The following PTPN1 variants were observed in gnomAD, a reference collection of about 807,000 sequenced individuals.
PTPN1 encodes the protein tyrosine-protein phosphatase non-receptor type 1.
PTPN1 carries 12 observed loss-of-function variants against 59.9 expected under a neutral mutation model. The observed-to-expected ratio is 0.20, with a 90% CI of 0.13 to 0.32. The LOEUF (loss-of-function observed/expected upper bound fraction) is 0.32. Among genes scored for constraint, PTPN1 ranks in the 10% least tolerant of loss-of-function variants. The pLI, the probability that PTPN1 is intolerant of heterozygous loss-of-function variation, is 1.00. For synonymous variants in PTPN1, 178 were observed against 203.6 expected, an observed-to-expected ratio of 0.87 and a Z score of 1.07; for missense variants, 356 against 549.2, an observed-to-expected ratio of 0.65 and a Z score of 3.52.
intron 1 of PTPN1, among the ~76,000 whole-genome samples, chr20:50,513,844 A>T (rs1185744756): frequency 6.6e-6 from 1 of 152,190 alleles, no homozygotes. Context: ...AGGAAAAAAA[A>T]CTATTTTATG....
intron 1 of PTPN1, among the ~76,000 whole-genome samples, chr20:50,555,773 A>G (rs2082723588): frequency 6.6e-6 from 1 of 152,016 alleles, no homozygotes; most frequent in South Asian, 2.1e-4. Context: ...ACACACACCA[A>G]AAAAAGTACA....
intron 2 of PTPN1, among the ~76,000 whole-genome samples, chr20:50,564,068 T>TAA (rs960887517): frequency 6.9e-6 from 1 of 144,010 alleles, no homozygotes; most frequent in Non-Finnish European, 1.5e-5. Context: ...ACTTGAACTT[T>TAA]AAAAAAAAAA....
chr20:50,511,081 G>GTCCCCTT (rs2082505210), intron 1 of PTPN1, among the ~76,000 whole-genome samples: 1 of 152,098 alleles, frequency 6.6e-6, no homozygotes, highest in African/African-American at 2.4e-5. Context: ...AGAGATGACA[G>GTCCCCTT]TCCCCTTTCC....
Position 50,581,250 on chromosome 20 carries a change from CCT to C in PTPN1, c.1089-12_1089-11del. Reference sequence around the variant, plus strand: ...TCCAAAGTGAGTAACCCATCTCTGCCCTCTGATTCCTCAGCATGAGTCAAGAC... The same window carrying C: ...TCCAAAGTGAGTAACCCATCTCTGCCCTGATTCCTCAGCATGAGTCAAGAC... On this transcript the variant is annotated splice_polypyrimidine_tract_variant and intron_variant, in intron 8 of 9. Transcript: ENST00000371621. 1 of 1,581,664 alleles carries C rather than the reference CCT, an allele frequency of 6.3e-7. No individual in the cohort carries two copies. The highest frequency in any genetic ancestry group is 8.6e-7 in the Non-Finnish European group (1 of 1,156,314).
At chr20:50,518,849 A>G (rs999814365) in intron 1 of PTPN1, among the ~76,000 whole-genome samples, 1 of 152,198 alleles carries the variant, frequency 6.6e-6, no homozygotes, top group African/African-American at 2.4e-5. Flanking sequence ...ATACAAGCAT[A>G]AAACCAAATT....
chr20:50,529,501 T>C (rs967690218), intron 1 of PTPN1, among the ~76,000 whole-genome samples: 7 of 152,226 alleles, frequency 4.6e-5, no homozygotes, highest in African/African-American at 1.7e-4. Context: ...CTTTTACTGG[T>C]TTGGAATTTC....
intron 1 of PTPN1, among the ~76,000 whole-genome samples, chr20:50,559,572 G>T (rs538507038): frequency 1.3e-5 from 2 of 151,990 alleles, no homozygotes; most frequent in Admixed American, 1.3e-4. Context: ...TGGGTCGGGA[G>T]GTTTTCTTGA....
chr20:50,510,449 G>A lies in PTPN1; in HGVS notation c.-79G>A, dbSNP rs993687550. 6.1e-5 allele frequency: 91 copies of A among 1,497,050 alleles called. No homozygotes were observed. The highest frequency in any genetic ancestry group is 3.5e-4 in the Admixed American group (17 of 47,962). The allele number at this position is 1,497,050 out of a possible 1,614,324, so 92.7% of individuals were successfully genotyped here. A position where few individuals can be genotyped will look rare whatever the true frequency, so the allele number is the denominator to read the frequency against. ...GTCGGGGATTGCAGCGGGCCTCGGG[G>A]CTAAGAGCGCGACGCGGCCTAGAGC... On this transcript the variant is annotated 5_prime_UTR_variant, in exon 1 of 10. Coordinates refer to ENST00000371621, the MANE Select transcript of PTPN1 (RefSeq NM_002827.4).
At chr20:50,521,040 C>T (rs1052982046) in intron 1 of PTPN1, among the ~76,000 whole-genome samples, 2 of 152,048 alleles carry the variant, frequency 1.3e-5, no homozygotes, top group African/African-American at 4.8e-5. Flanking sequence ...TGCCTGATCC[C>T]CCTAATCTAA....
In PTPN1 at chr20:50,568,243, C is replaced by T; in HGVS notation, c.256-137C>T. On this transcript the variant is annotated intron_variant, in intron 3 of 9. Coordinates refer to ENST00000371621, the MANE Select transcript of PTPN1 (RefSeq NM_002827.4). The surrounding 1 kb of genome is among the most constrained non-coding windows in gnomAD (Gnocchi z 5.6). Reference sequence around the variant, plus strand: ...CCACCAGGCAGAGAGAGGTGGGTCCCTGTCCCAGCCTCAGCCACCACTCTG... The same window carrying T: ...CCACCAGGCAGAGAGAGGTGGGTCCTTGTCCCAGCCTCAGCCACCACTCTG... 5.7e-6 allele frequency: 4 copies of T among 698,020 alleles called. No homozygotes were observed. The allele number at this position is 698,020 out of a possible 1,614,324, so 43.2% of individuals were successfully genotyped here.
At chr20:50,561,541 A>G (rs2122777473) in intron 2 of PTPN1, 88 bp downstream of exon 2, 3 of 769,976 alleles carry the variant, frequency 3.9e-6, no homozygotes, top group Admixed American at 3.0e-5. Context: ...AGGGTTTAGT[A>G]TAATAATAAA....
chr20:50,530,167 C>A (rs1182361917), intron 1 of PTPN1, among the ~76,000 whole-genome samples: 1 of 149,350 alleles, frequency 6.7e-6, no homozygotes, highest in East Asian at 2.0e-4. Context: ...AGCCACTGTG[C>A]CTGGCTGATT....
At chr20:50,553,422 A>C (rs2082712166) in intron 1 of PTPN1, among the ~76,000 whole-genome samples, 1 of 152,216 alleles carries the variant, frequency 6.6e-6, no homozygotes, top group South Asian at 2.1e-4. Flanking sequence ...AAATCTGCAA[A>C]GGGATCACCT....
At chr20:50,561,851 T>C (rs1027019518) in intron 2 of PTPN1, among the ~76,000 whole-genome samples, 2 of 152,138 alleles carry the variant, frequency 1.3e-5, no homozygotes, top group African/African-American at 4.8e-5. Flanking sequence ...GCATTCGGGG[T>C]GGGCACTGTC....
At chr20:50,560,945 T>G (rs2082749418) in intron 1 of PTPN1, among the ~76,000 whole-genome samples, 3 of 152,124 alleles carry the variant, frequency 2.0e-5, no homozygotes, top group Non-Finnish European at 4.4e-5. Context: ...AATCGTAGCT[T>G]TATAGAAATT....
chr20:50,573,788 A>C (rs1017319090), intron 4 of PTPN1: 1 of 152,198 alleles, frequency 6.6e-6, no homozygotes. Context: ...TTCAAGTAAA[A>C]TGTCACTAAA....
intron 4 of PTPN1, among the ~76,000 whole-genome samples, chr20:50,569,230 T>C (rs2082794456): frequency 6.6e-6 from 1 of 152,236 alleles, no homozygotes. Flanking sequence ...GGATAATACA[T>C]GGTGTGGCTT....
At position 50,581,420 on chromosome 20, in the gene PTPN1, T is replaced by G; in HGVS notation, c.1244T>G (p.Val415Gly). The G allele has an allele frequency of 6.2e-7, 1 of 1,613,596 alleles. No homozygotes were observed. Among genetic ancestry groups the G allele is most frequent in the Non-Finnish European group, 8.5e-7 (1 of 1,179,528 alleles). Reference protein sequence around the residue: ...YWKPFLVNMCVATVLTAGAYL... With the variant: ...YWKPFLVNMCGATVLTAGAYL... ...AAGCCCTTCCTGGTCAACATGTGCG[T>G]GGCTACGGTCCTCACGGCCGGCGCT... Residue 415 changes from valine (V) to glycine (G), a missense_variant, in exon 9 of 10, where the codon GTG becomes GGG. Val to Gly is a moderately radical substitution (Grantham distance 109, BLOSUM62 -3). Coordinates refer to ENST00000371621, the MANE Select transcript of PTPN1 (RefSeq NM_002827.4).
At chr20:50,581,021 A>G (rs2082865663) in intron 8 of PTPN1, among the ~76,000 whole-genome samples, 1 of 152,104 alleles carries the variant, frequency 6.6e-6, no homozygotes, top group Non-Finnish European at 1.5e-5. Flanking sequence ...TGTGAACCCT[A>G]CCCTGGGTGT....
Sources: gnomAD v4.1 joint callset for allele counts (sites outside exome capture counted in the v4.1 genomes callset) on GRCh38, gnomAD v4.1.1 for gene constraint, Gnocchi (gnomAD v3.1) non-coding constraint, MANE v1.5 for transcripts, NCBI Gene and HGNC (gene_info 2026-07-23, HGNC 2026-07-21) for gene names.